The following PCLO variants were observed in gnomAD, a reference collection of about 807,000 sequenced individuals.
The protein encoded by PCLO is piccolo presynaptic cytomatrix protein.
A neutral mutation model predicts 427.5 loss-of-function variants in PCLO; 82 were observed. The observed-to-expected ratio is 0.19, with a 90% CI of 0.16 to 0.23. The LOEUF is 0.23. Ranked by LOEUF, PCLO falls within the 10% of genes least tolerant of loss-of-function variation. The pLI is 1.00. For missense variants in PCLO, 6,239 were observed against 6,115.9 expected (o/e 1.02, Z -0.67); for synonymous variants, 2,357 against 2,155.4 (o/e 1.09, Z -2.59).
chr7:82,787,652 T>C (rs1583974933), intron 22 of PCLO, among the ~76,000 whole-genome samples: 1 of 152,276 alleles, frequency 6.6e-6, no homozygotes, highest in East Asian at 1.9e-4. Flanking sequence ...CTAAAGTCAT[T>C]GGAAAATGAC....
At chr7:83,021,518 T>C (rs571106319) in intron 3 of PCLO, among the ~76,000 whole-genome samples, 13 of 152,258 alleles carry the variant, frequency 8.5e-5, no homozygotes, top group African/African-American at 2.9e-4. Flanking sequence ...TGAGCAAACA[T>C]AATGGAAGAA....
intron 1 of PCLO, among the ~76,000 whole-genome samples, chr7:83,157,513 A>G (rs1245009363): frequency 6.6e-6 from 1 of 151,968 alleles, no homozygotes; most frequent in Non-Finnish European, 1.5e-5. Flanking sequence ...AGACAAATAT[A>G]CAAGACATAT....
At chr7:83,020,111 C>A (rs2116051178) in intron 3 of PCLO, among the ~76,000 whole-genome samples, 1 of 152,130 alleles carries the variant, frequency 6.6e-6, no homozygotes, top group South Asian at 2.1e-4. Context: ...TAGCATGGCC[C>A]TTTACACAAA....
At chr7:82,925,542 G>C (rs1205791422) in intron 6 of PCLO, among the ~76,000 whole-genome samples, 2 of 151,982 alleles carry the variant, frequency 1.3e-5, no homozygotes, top group Admixed American at 1.3e-4. Flanking sequence ...TAAAATCACA[G>C]TTAAATATAG....
At chr7:82,832,894 T>C (rs1312480337) in intron 16 of PCLO, among the ~76,000 whole-genome samples, 1 of 150,416 alleles carries the variant, frequency 6.6e-6, no homozygotes, top group Non-Finnish European at 1.5e-5. Flanking sequence ...TTAGAAAAAA[T>C]ACAACTTGCA....
At chr7:83,122,566 G>T (rs1471563086) in intron 3 of PCLO, among the ~76,000 whole-genome samples, 1 of 152,128 alleles carries the variant, frequency 6.6e-6, no homozygotes, top group Non-Finnish European at 1.5e-5. Flanking sequence ...GATTACAGTG[G>T]TGAGCCACTG....
intron 3 of PCLO, among the ~76,000 whole-genome samples, chr7:83,013,618 G>T (rs1298263201): frequency 6.6e-6 from 1 of 152,150 alleles, no homozygotes; most frequent in Admixed American, 6.6e-5. Flanking sequence ...TGACCAGGAA[G>T]ATTTCACAGT....
intron 6 of PCLO, among the ~76,000 whole-genome samples, chr7:82,939,234 G>A (rs1239673363): frequency 1.3e-5 from 2 of 151,842 alleles, no homozygotes; most frequent in Non-Finnish European, 2.9e-5. Flanking sequence ...CTGGACATGG[G>A]GTATTAGAAT....
intron 3 of PCLO, among the ~76,000 whole-genome samples, chr7:83,052,893 T>TTGAAGTAGATTAGATTCAAATTG (rs1278227230): frequency 1.3e-5 from 2 of 152,006 alleles, no homozygotes; most frequent in Non-Finnish European, 2.9e-5. Context: ...ATCTACTATA[T>TTGAAGTAGATTAGATTCAAATTG]AATCCTCCAA....
Position 82,949,306 on chromosome 7 carries a change from C to T in PCLO, c.11112+170G>A, listed in dbSNP as rs115703843. 5.2e-3 allele frequency among the ~76,000 whole-genome samples: 785 copies of T among 151,942 alleles called. 6 individuals are homozygous for T. The highest frequency in any genetic ancestry group is 0.017 in the African/African-American group (688 of 41,416). On this transcript the variant is annotated intron_variant, in intron 6 of 24. Coordinates refer to ENST00000333891, the MANE Select transcript of PCLO (RefSeq NM_033026.6). ...ACACACACACGTGTGCACACACACA[C>T]GCACACACACATATACACATATATA...
intron 3 of PCLO, among the ~76,000 whole-genome samples, chr7:83,036,079 T>C (rs1223414987): frequency 1.3e-5 from 2 of 152,206 alleles, no homozygotes; most frequent in Admixed American, 1.3e-4. Context: ...TCAGGTTCTG[T>C]CCTGATCCCT....
chr7:83,111,583 C>A (rs1423790004), intron 3 of PCLO, among the ~76,000 whole-genome samples: 1 of 152,146 alleles, frequency 6.6e-6, no homozygotes, highest in African/African-American at 2.4e-5. Flanking sequence ...GCTGAGAGTC[C>A]ACAAAGAAAC....
At chr7:82,935,194 TAAAAAAAAAA>T (rs528188502) in intron 6 of PCLO, among the ~76,000 whole-genome samples, 1 of 84,230 alleles carries the variant, frequency 1.2e-5, no homozygotes, top group Non-Finnish European at 2.3e-5. Flanking sequence ...CCTGGTATAC[TAAAAAAAAAA>T]AAAAAAAAAA....
At chr7:82,865,084 T>C (rs922435534) in intron 10 of PCLO, among the ~76,000 whole-genome samples, 2 of 152,158 alleles carry the variant, frequency 1.3e-5, no homozygotes, top group African/African-American at 4.8e-5. Flanking sequence ...TATTACAGAA[T>C]GATTTTCCTT....
At chr7:82,815,803 C>T (rs1791665828) in intron 20 of PCLO, among the ~76,000 whole-genome samples, 1 of 151,980 alleles carries the variant, frequency 6.6e-6, no homozygotes, top group African/African-American at 2.4e-5. Context: ...ACCACCATTA[C>T]TTTTTGCACC....
At chr7:83,052,201 T>C (rs1434514530) in intron 3 of PCLO, among the ~76,000 whole-genome samples, 1 of 151,986 alleles carries the variant, frequency 6.6e-6, no homozygotes, top group Admixed American at 6.6e-5. Flanking sequence ...CCATCAATTG[T>C]AACAAATGTA....
chr7:82,974,961 T>C (rs910416679), intron 3 of PCLO, among the ~76,000 whole-genome samples: 1 of 151,980 alleles, frequency 6.6e-6, no homozygotes, highest in Non-Finnish European at 1.5e-5. Context: ...GCATTTTTAG[T>C]AGAGGCGGGG....
intron 3 of PCLO, among the ~76,000 whole-genome samples, chr7:83,130,197 T>G (rs1352390135): frequency 6.6e-6 from 1 of 152,138 alleles, no homozygotes. Context: ...TATTATTATT[T>G]GAGACGAAGT....
chr7:82,938,157 C>A, intron 6 of PCLO, among the ~76,000 whole-genome samples: 1 of 151,826 alleles, frequency 6.6e-6, no homozygotes, highest in Non-Finnish European at 1.5e-5. Flanking sequence ...AGACTTGGAA[C>A]AAAACATCAG....
Sources: allele counts gnomAD v4.1 joint callset (sites outside exome capture counted in the v4.1 genomes callset), GRCh38; gene constraint gnomAD v4.1.1; transcripts MANE v1.5; gene names NCBI Gene and HGNC (gene_info 2026-07-23, HGNC 2026-07-21).